The following OPRM1 variants were observed in gnomAD, a reference collection of about 807,000 sequenced individuals.
OPRM1 encodes opioid receptor mu 1.
OPRM1 carries 27 observed loss-of-function variants against 31.8 expected under a neutral mutation model. The ratio of observed to expected loss-of-function variants is 0.85; its 90% CI spans 0.63 to 1.17. The LOEUF (loss-of-function observed/expected upper bound fraction) is 1.17. Among genes scored for constraint, OPRM1 ranks in the 50% most tolerant of loss-of-function variants. The pLI, the probability that OPRM1 is intolerant of heterozygous loss-of-function variation, is 0.00. For missense variants in OPRM1, 536 were observed against 511.1 expected (o/e 1.05, Z -0.47); for synonymous variants, 196 against 189.9 (o/e 1.03, Z -0.26).
chr6:154,239,990 C>T (rs974274910), intron 3 of OPRM1, among the ~76,000 whole-genome samples: 14 of 152,338 alleles, frequency 9.2e-5, no homozygotes, highest in African/African-American at 3.1e-4. Context: ...GCGTGAGCCA[C>T]AGCACCCAAC....
At chr6:154,190,366 TA>T (rs1801762624) in intron 3 of OPRM1, among the ~76,000 whole-genome samples, 1 of 152,120 alleles carries the variant, frequency 6.6e-6, no homozygotes, top group Non-Finnish European at 1.5e-5. Context: ...CATCTTATGT[TA>T]AAGAAAAGAA....
At chr6:154,041,631 ATTT>A (rs568209489) in intron 1 of OPRM1, among the ~76,000 whole-genome samples, 8,330 of 147,114 alleles carry the variant, frequency 0.057, 730 homozygotes, top group African/African-American at 0.19. Context: ...TAGCTAACAT[ATTT>A]TTTTTTTTTA....
chr6:154,136,935 C>T (rs532797989), downstream of OPRM1, among the ~76,000 whole-genome samples: 32 of 152,116 alleles, frequency 2.1e-4, no homozygotes, highest in Non-Finnish European at 4.1e-4. Flanking sequence ...CATTTTAAAC[C>T]TTTTAATGAT....
intron 3 of OPRM1, among the ~76,000 whole-genome samples, chr6:154,141,998 G>A (rs559796183): frequency 6.6e-6 from 1 of 152,284 alleles, no homozygotes; most frequent in African/African-American, 2.4e-5. Context: ...TAGTAGATCT[G>A]TGGTACTGGT....
chr6:154,159,818 T>C (rs1468879779), intron 3 of OPRM1: 5 of 1,601,074 alleles, frequency 3.1e-6, no homozygotes, highest in East Asian at 4.5e-5. Context: ...GAGAAAACCC[T>C]GACTTTGTCT....
chr6:154,093,591 G>T, intron 3 of OPRM1: 1 of 1,470,208 alleles, frequency 6.8e-7, no homozygotes, highest in Non-Finnish European at 9.0e-7. Context: ...TAAAAGGTTT[G>T]CTTTAAAAAT....
chr6:154,111,626 A>G (rs1034014573), intron 3 of OPRM1, among the ~76,000 whole-genome samples: 10 of 152,260 alleles, frequency 6.6e-5, no homozygotes, highest in African/African-American at 2.4e-4. Flanking sequence ...GATAAAGATT[A>G]AAAGTGCCTT....
At chr6:154,151,588 G>T (rs1252136423) in intron 3 of OPRM1, among the ~76,000 whole-genome samples, 3 of 152,202 alleles carry the variant, frequency 2.0e-5, no homozygotes. Flanking sequence ...ACTGGGGAAT[G>T]AAAGCTCTGG....
chr6:154,093,123 T>A, intron 3 of OPRM1: 1 of 651,838 alleles, frequency 1.5e-6, no homozygotes, highest in East Asian at 2.7e-5. Context: ...TTAAATAGAT[T>A]TTCACCAACC....
At chr6:154,142,646 C>T (rs1798249278) in intron 3 of OPRM1, among the ~76,000 whole-genome samples, 1 of 152,142 alleles carries the variant, frequency 6.6e-6, no homozygotes, top group Non-Finnish European at 1.5e-5. Flanking sequence ...TGGGCCTCTT[C>T]CAAGTGTACT....
At chr6:154,148,285 T>G (rs1381768712) in intron 3 of OPRM1, among the ~76,000 whole-genome samples, 1 of 152,230 alleles carries the variant, frequency 6.6e-6, no homozygotes, top group African/African-American at 2.4e-5. Context: ...GATGAAACAT[T>G]GCTTTTTCCC....
chr6:154,049,983 T>C (rs1667055027), intron 1 of OPRM1, among the ~76,000 whole-genome samples: 1 of 152,162 alleles, frequency 6.6e-6, no homozygotes, highest in Non-Finnish European at 1.5e-5. Flanking sequence ...TTGATATGTC[T>C]TTGGTTTTGG....
rs992846348 is a variant in OPRM1 at position 154,123,876 on chromosome 6, G to C, written c.*5155G>C. On this transcript the variant is annotated 3_prime_UTR_variant, in exon 4 of 4. Transcript: ENST00000330432. ...TCTTGGTTTTAGTGGGGTTTGGCCG[G>C]CTTCTTTACCACATCCTTTTATCAG... Among the ~76,000 whole-genome samples the C allele has an allele frequency of 1.3e-4, 20 of 152,290 alleles. No individual in the cohort carries two copies. Among genetic ancestry groups the C allele is most frequent in the South Asian group, 2.1e-4 (1 of 4,822 alleles).
intron 1 of OPRM1, among the ~76,000 whole-genome samples, chr6:154,076,485 A>C (rs546213334): frequency 6.6e-6 from 1 of 152,332 alleles, no homozygotes; most frequent in South Asian, 2.1e-4. Context: ...GTATATTGTT[A>C]ATTGAAACAA....
At chr6:154,025,104 G>A (rs372926054) in intron 1 of OPRM1, among the ~76,000 whole-genome samples, 37 of 152,172 alleles carry the variant, frequency 2.4e-4, no homozygotes, top group African/African-American at 8.7e-4. Flanking sequence ...TCTGTTTAAT[G>A]TTGAAAGTTG....
chr6:154,107,765 T>C (rs1375625594), intron 3 of OPRM1: 1 of 718,562 alleles, frequency 1.4e-6, no homozygotes, highest in Non-Finnish European at 2.6e-6. Flanking sequence ...CAGCCAAGTT[T>C]GTTGCTGACC....
chr6:154,060,934 G>T (rs1468245082), intron 1 of OPRM1, among the ~76,000 whole-genome samples: 2 of 152,080 alleles, frequency 1.3e-5, no homozygotes, highest in African/African-American at 4.8e-5. Context: ...TTTATGTCAA[G>T]AAAAGAAATT....
At chr6:154,099,583 T>C (rs1453827811) in intron 3 of OPRM1, among the ~76,000 whole-genome samples, 2 of 149,710 alleles carry the variant, frequency 1.3e-5, no homozygotes, top group Admixed American at 6.6e-5. Context: ...ATATCGTCTA[T>C]GACTTCTACT....
rs886179661 is a variant in OPRM1, at chr6:154,129,796, T to C, written c.*11075T>C. 6.6e-6 allele frequency among the ~76,000 whole-genome samples: 1 copy of C among 151,596 alleles called. No homozygotes were observed. Among genetic ancestry groups the C allele is most frequent in the Non-Finnish European group, 1.5e-5 (1 of 67,960 alleles). ...GCTGGTTTGGTTGAAGTTTCTCTTA[T>C]CAGTCAGGCACTTTGCATTTTAAGC... On this transcript the variant is annotated 3_prime_UTR_variant, in exon 4 of 4. Coordinates refer to ENST00000330432, the MANE Select transcript of OPRM1 (RefSeq NM_000914.5).
Sources: allele counts gnomAD v4.1 joint callset (sites outside exome capture counted in the v4.1 genomes callset), GRCh38; gene constraint gnomAD v4.1.1; transcripts MANE v1.5; gene names NCBI Gene and HGNC (gene_info 2026-07-23, HGNC 2026-07-21).